The following ZNF875 variants were observed in gnomAD, a reference collection of about 807,000 sequenced individuals.
The protein encoded by ZNF875 is zinc finger protein 875.
In ZNF875, 14 loss-of-function variants were observed where a neutral mutation model predicts 11.2. That is an observed-to-expected ratio of 1.26 (90% CI 0.83 to 1.96). The LOEUF is 1.96. Among genes scored for constraint, ZNF875 ranks in the 30% most tolerant of loss-of-function variants. The pLI is 0.00. For synonymous variants in ZNF875, 301 were observed against 281.1 expected (o/e 1.07, Z -0.71); for missense variants, 752 against 760.4 (o/e 0.99, Z 0.13).
intron 4 of ZNF875, among the ~76,000 whole-genome samples, chr19:37,354,217 T>C (rs2038453467): frequency 7.0e-6 from 1 of 143,220 alleles, no homozygotes; most frequent in Non-Finnish European, 1.5e-5. Context: ...GTTGTTTTTT[T>C]CTTTCCCCCT....
At chr19:37,357,978 T>C (rs1024849292) in intron 4 of ZNF875, 15 of 398,482 alleles carry the variant, frequency 3.8e-5, no homozygotes, top group South Asian at 1.3e-4. Context: ...TGGTTTCAGC[T>C]TTCGCCCATT....
chr19:37,334,346 C>T (rs2033845931), upstream of ZNF875, among the ~76,000 whole-genome samples: 1 of 152,240 alleles, frequency 6.6e-6, no homozygotes, highest in Non-Finnish European at 1.5e-5. Flanking sequence ...TGAAGGTCAG[C>T]GCACACTGGC....
chr19:37,360,665 T>C (rs575334162), intron 4 of ZNF875, among the ~76,000 whole-genome samples: 1 of 152,252 alleles, frequency 6.6e-6, no homozygotes, highest in South Asian at 2.1e-4. Context: ...CCTTTCCTTT[T>C]CTCTTTCTCT....
intron 1 of ZNF875, 38 bp downstream of exon 1, chr19:37,334,820 T>G (rs757977301): frequency 2.2e-6 from 1 of 458,510 alleles, no homozygotes. Context: ...CCCCTCTGCG[T>G]GTCCCTGTGT....
At chr19:37,361,780 A>C (rs1288212225) in intron 4 of ZNF875, among the ~76,000 whole-genome samples, 1 of 152,084 alleles carries the variant, frequency 6.6e-6, no homozygotes, top group East Asian at 1.9e-4. Flanking sequence ...AGCTGGGCGT[A>C]GTCTTGGACG....
chr19:37,329,046 G>A (rs1331727064), intron 4 of ZNF875: 1 of 152,112 alleles, frequency 6.6e-6, no homozygotes, highest in Non-Finnish European at 1.5e-5. Flanking sequence ...CCAACAATCT[G>A]TGTTTAACAA....
At position 37,362,763 on chromosome 19, in the gene ZNF875, A is replaced by G. The variant is rs149130534; in HGVS notation, c.911A>G (p.His304Arg). The change falls in exon 5 of 5, where the codon CAC (histidine) becomes CGC (arginine). Residue 304 changes from histidine to arginine, a missense_variant. Transcript: ENST00000392153. ...KSNLITHQRT[H>R]SGEKPYVCKD... ...AACCTGATCACACATCAGAGGACAC[A>G]CTCAGGGGAGAAACCTTATGTGTGC... 3.2e-5 allele frequency: 51 copies of G among 1,613,922 alleles called. No individual in the cohort carries two copies. In the African/African-American group the frequency reaches 6.0e-4, roughly 19 times the overall value.
At chr19:37,337,549 A>C (rs1237707184) in intron 2 of ZNF875, 1 of 152,048 alleles carries the variant, frequency 6.6e-6, no homozygotes, top group Non-Finnish European at 1.5e-5. Context: ...GGTTCAAACG[A>C]TTCTCCTGTC....
At chr19:37,325,994 C>A (rs2032369345) in intron 4 of ZNF875, among the ~76,000 whole-genome samples, 1 of 152,072 alleles carries the variant, frequency 6.6e-6, no homozygotes, top group African/African-American at 2.4e-5. Flanking sequence ...CACGCGTGAG[C>A]CACTGCACTT....
At chr19:37,346,729 C>T (rs896029741) in intron 2 of ZNF875, 2 of 179,018 alleles carry the variant, frequency 1.1e-5, no homozygotes, top group Non-Finnish European at 2.4e-5. Flanking sequence ...CAGTAAGTAA[C>T]AGGTGCATAA....
chr19:37,319,038 G>T (rs2030716459), intron 1 of ZNF875, among the ~76,000 whole-genome samples: 1 of 151,058 alleles, frequency 6.6e-6, no homozygotes, highest in Admixed American at 6.6e-5. Context: ...GAACTATAAT[G>T]CTGGTTTAGA....
intron 4 of ZNF875, among the ~76,000 whole-genome samples, chr19:37,360,564 A>G (rs986419507): frequency 1.3e-5 from 2 of 152,226 alleles, no homozygotes; most frequent in Non-Finnish European, 2.9e-5. Flanking sequence ...CTTCCAATCT[A>G]TGACTGTCTC....
chr19:37,363,593 G>A lies in ZNF875; in HGVS notation c.1741G>A (p.Ala581Thr), dbSNP rs199577439. Residue 581 changes from alanine to threonine, a missense_variant, in exon 5 of 5, where the codon GCA becomes ACA. Coordinates refer to ENST00000392153, the MANE Select transcript of ZNF875 (RefSeq NM_001353803.2). ...GTTAACTCTCATTAAACACCAGAGA[G>A]CACACGCAGGGGGGAAGCCTCATGT... The part of the protein sequence containing the change: ...AKLTLIKHQR[A>T]HAGGKPHVCR... 3 of 1,609,236 alleles carry A rather than the reference G, an allele frequency of 1.9e-6. No individual in the cohort carries two copies. The Admixed American group carries it at 5.0e-5, about 27-fold the overall frequency.
chr19:37,326,263 C>T (rs916490732), intron 4 of ZNF875, among the ~76,000 whole-genome samples: 3 of 152,196 alleles, frequency 2.0e-5, no homozygotes, highest in Non-Finnish European at 2.9e-5. Flanking sequence ...AAGTGCCTGC[C>T]TTATTGGACA....
chr19:37,348,376 C>G (rs1232156403), intron 4 of ZNF875, among the ~76,000 whole-genome samples: 1 of 152,122 alleles, frequency 6.6e-6, no homozygotes, highest in Non-Finnish European at 1.5e-5. Flanking sequence ...TTTCCCCTTC[C>G]CTGATGGTAT....
intron 4 of ZNF875, among the ~76,000 whole-genome samples, chr19:37,360,012 A>G (rs2039643614): frequency 6.6e-6 from 1 of 152,202 alleles, no homozygotes; most frequent in African/African-American, 2.4e-5. Context: ...ACTCAAGGTT[A>G]TGAAGATTTT....
chr19:37,334,334 C>T (rs1312943513), upstream of ZNF875, among the ~76,000 whole-genome samples: 1 of 152,232 alleles, frequency 6.6e-6, no homozygotes, highest in Non-Finnish European at 1.5e-5. Context: ...TCACCCGCAC[C>T]TTGAAGGTCA....
rs554650311 is a variant in ZNF875, at chr19:37,363,769, A to T, written c.1917A>T (p.Ser639=). Reference sequence around the variant, plus strand: ...TTATCAGACATCAGAGGACACACTCAGGATAGAAACTTTATGTGTATAGGG... The same window carrying T: ...TTATCAGACATCAGAGGACACACTCTGGATAGAAACTTTATGTGTATAGGG... ...SNLIRHQRTH[S]G Residue 639 remains serine (S), a synonymous_variant, in exon 5 of 5, where the codon TCA becomes TCT. Coordinates refer to ENST00000392153, the MANE Select transcript of ZNF875 (RefSeq NM_001353803.2). 207 of 1,613,522 alleles carry T rather than the reference A, an allele frequency of 1.3e-4. 5 individuals carry two copies. The South Asian group carries it at 2.1e-3, about 16-fold the overall frequency.
upstream of ZNF875, among the ~76,000 whole-genome samples, chr19:37,332,908 C>G (rs1421718167): frequency 6.6e-6 from 1 of 152,092 alleles, no homozygotes; most frequent in Non-Finnish European, 1.5e-5. Flanking sequence ...TTCAGATTTA[C>G]AAGGGTAACT....
Sources: gnomAD v4.1 joint callset for allele counts (sites outside exome capture counted in the v4.1 genomes callset) on GRCh38, gnomAD v4.1.1 for gene constraint, MANE v1.5 for transcripts, NCBI Gene and HGNC (gene_info 2026-07-23, HGNC 2026-07-21) for gene names.